STX4: variants seen among roughly 807,000 people sequenced by gnomAD.
The protein encoded by STX4 is syntaxin-4.
STX4 carries 24 observed loss-of-function variants against 41.8 expected under a neutral mutation model. That is an observed-to-expected ratio of 0.57 (90% confidence interval 0.42 to 0.81). The LOEUF (loss-of-function observed/expected upper bound fraction) is 0.81. Among genes scored for constraint, STX4 ranks in the 30% least tolerant of loss-of-function variants. STX4 has a pLI of 0.00. For synonymous variants in STX4, 158 were observed against 156.4 expected (o/e 1.01, Z -0.08); for missense variants, 316 against 389.9 (o/e 0.81, Z 1.60).
chr16:31,034,569 C>T (rs1177327177), intron 4 of STX4, 33 bp downstream of exon 4: 1 of 1,532,086 alleles, frequency 6.5e-7, no homozygotes. Context: ...AGATCCTTCC[C>T]TCTGATCCTG....
chr16:31,038,515 G>T lies in STX4; in HGVS notation c.570G>T (p.Leu190=). 6.2e-7 allele frequency: 1 copy of T among 1,614,130 alleles called. No individual in the cohort carries two copies. Among genetic ancestry groups the T allele is most frequent in the Non-Finnish European group, 8.5e-7 (1 of 1,180,020 alleles). ...GQSEVFVSNI[L]KDTQVTRQAL... is the part of the protein sequence containing the mutation. ...CACTCCTGTCCACCCCCCAGATCCT[G>T]AAGGACACGCAGGTGACTCGACAGG... Residue 190 remains leucine (L), a synonymous_variant, in exon 8 of 11, where the codon CTG becomes CTT. Transcript: ENST00000313843.
chr16:31,035,932 C>T (rs2056796192), intron 5 of STX4, among the ~76,000 whole-genome samples: 1 of 152,060 alleles, frequency 6.6e-6, no homozygotes, highest in African/African-American at 2.4e-5. Flanking sequence ...TGTGCACCAC[C>T]ACACCTGGCT....
At chr16:31,038,745 TC>T in intron 8 of STX4, 98 bp downstream of exon 8, 1 of 1,502,554 alleles carries the variant, frequency 6.7e-7, no homozygotes, top group Non-Finnish European at 9.0e-7. Context: ...TTTTGTGTCT[TC>T]CAGGTTTGGC....
intron 5 of STX4, 65 bp downstream of exon 5, chr16:31,035,105 G>A: frequency 2.9e-6 from 4 of 1,380,024 alleles, no homozygotes; most frequent in Non-Finnish European, 4.0e-6. Context: ...TAGATGACAG[G>A]TGTATGAAGG....
intron 5 of STX4, 69 bp from the exon 6 acceptor site, chr16:31,037,856 TG>T: frequency 6.6e-7 from 1 of 1,506,872 alleles, no homozygotes; most frequent in Non-Finnish European, 9.2e-7. Context: ...CACTGTACTA[TG>T]GGGTTGCCGA....
intron 8 of STX4, chr16:31,038,970 G>A (rs1055665592): frequency 1.6e-5 from 5 of 319,330 alleles, no homozygotes; most frequent in Non-Finnish European, 3.0e-5. Flanking sequence ...AGTTGCCCTA[G>A]AGGGGCTGCC....
chr16:31,034,107 T>C lies in STX4; in HGVS notation c.125T>C (p.Phe42Ser). 6.2e-7 allele frequency: 1 copy of C among 1,608,806 alleles called. No homozygotes were observed. The highest frequency in any genetic ancestry group is 8.5e-7 in the Non-Finnish European group (1 of 1,176,628). Residue 42 changes from phenylalanine (F) to serine (S), a missense_variant, in exon 2 of 11, where the codon TTC (phenylalanine) becomes TCC (serine). Coordinates refer to ENST00000313843, the MANE Select transcript of STX4 (RefSeq NM_004604.5). ...CTGGGGAGCCCGGACGAGGAGTTCT[T>C]CCACAAGGTAAGGGGCTGGGGTCTC... is the stretch of plus-strand genomic sequence containing the variant. ...ARLGSPDEEF[F>S]HKVRTIRQTI... is the part of the protein sequence containing the mutation.
In STX4 at chr16:31,039,597, ACGTGGG is replaced by A; in HGVS notation, c.761_766del (p.Arg254_Gly255del). The A allele has an allele frequency of 6.2e-7, 1 of 1,614,166 alleles. No homozygotes were observed. ...TCCTGAGCTCAGCGGACTACGTGGA[ACGTGGG>A]CAGGAGCACGTCAAGACGGCCCTGG... On this transcript the variant is annotated inframe_deletion, in exon 9 of 11. Transcript: ENST00000313843. This position sits in a 1 kb window ranked among gnomAD's most constrained non-coding sequence, Gnocchi z 4.1.
chr16:31,034,650 G>C, intron 4 of STX4, 114 bp downstream of exon 4: 1 of 1,220,908 alleles, frequency 8.2e-7, no homozygotes, highest in Admixed American at 3.0e-5. Flanking sequence ...CACACAGCAG[G>C]CCTGGGTCTA....
intron 2 of STX4, 41 bp downstream of exon 2, chr16:31,034,155 G>C: frequency 6.2e-7 from 1 of 1,611,852 alleles, no homozygotes; most frequent in Non-Finnish European, 8.5e-7. Flanking sequence ...CGAGGGTGTA[G>C]GAGGACCCGA....
chr16:31,039,867 C>A lies in STX4; in HGVS notation c.*16-45C>A. 1 of 1,566,660 alleles carries A rather than the reference C, an allele frequency of 6.4e-7. No individual in the cohort carries two copies. Among genetic ancestry groups the A allele is most frequent in the Non-Finnish European group, 8.8e-7 (1 of 1,138,188 alleles). On this transcript the variant is annotated intron_variant, in intron 10 of 10. Coordinates refer to ENST00000313843, the MANE Select transcript of STX4 (RefSeq NM_004604.5). This position sits in a 1 kb window ranked among gnomAD's most constrained non-coding sequence, Gnocchi z 4.1. ...TGGCCTGCCCCAGCCCTGGCCCCAG[C>A]CCTCCCTCCTCCCTCAGACCCTGTT...
rs1333915016 is a variant in STX4 at position 31,038,097 on chromosome 16, G to A, written c.488-17G>A. On this transcript the variant is annotated splice_polypyrimidine_tract_variant and intron_variant, in intron 6 of 10. Transcript: ENST00000313843. ...GTAATCCCAACCCAACCCTGAGCCT[G>A]GCCTTTTCCTTCACAGCCAATGCTG... 3 of 1,614,044 alleles carry A rather than the reference G, an allele frequency of 1.9e-6. No homozygotes were observed. The African/African-American group carries it at 4.0e-5, about 22-fold the overall frequency.
intron 4 of STX4, 108 bp from the exon 5 acceptor site, chr16:31,034,862 T>G (rs1477807849): frequency 9.5e-7 from 1 of 1,057,798 alleles, no homozygotes. Context: ...AAAAATAAAC[T>G]TACTTTCTCC....
At chr16:31,036,575 C>G (rs2056800841) in intron 5 of STX4, among the ~76,000 whole-genome samples, 1 of 152,126 alleles carries the variant, frequency 6.6e-6, no homozygotes, top group African/African-American at 2.4e-5. Flanking sequence ...AACCAGTGAT[C>G]CCTGTCCTCA....
In STX4 at chr16:31,034,452, T is replaced by C. The variant is rs1163661529; in HGVS notation, c.233-10T>C. The C allele has an allele frequency of 5.0e-6, 8 of 1,600,280 alleles. No homozygotes were observed. The East Asian group carries it at 1.6e-4, about 31-fold the overall frequency. Reference sequence around the variant, plus strand: ...CTGCTGTTTGGGAGTCTTGGCCTTCTCTTATTCAGGCATGAAGCAGGAGCT... The same window carrying C: ...CTGCTGTTTGGGAGTCTTGGCCTTCCCTTATTCAGGCATGAAGCAGGAGCT... On this transcript the variant is annotated splice_polypyrimidine_tract_variant and intron_variant, in intron 3 of 10. Coordinates refer to ENST00000313843, the MANE Select transcript of STX4 (RefSeq NM_004604.5).
chr16:31,038,654 GCCCCGCGCAGC>G lies in STX4; in HGVS notation c.702+11_702+21del. On this transcript the variant is annotated splice_region_variant and intron_variant, in intron 8 of 10. Transcript: ENST00000313843. ...TACCGAAGTGGAGATGCAGGTGGGT[GCCCCGCGCAGC>G]CCCAGACGTGAGACCAGGCTCAGTC... 3 of 1,613,502 alleles carry G rather than the reference GCCCCGCGCAGC, an allele frequency of 1.9e-6. No homozygotes were observed. Among genetic ancestry groups the G allele is most frequent in the Non-Finnish European group, 1.7e-6 (2 of 1,179,822 alleles).
chr16:31,038,139 G>A lies in STX4; in HGVS notation c.513G>A (p.Glu171=), dbSNP rs764262539. The A allele has an allele frequency of 5.6e-6, 9 of 1,614,062 alleles. No homozygotes were observed. Among genetic ancestry groups the A allele is most frequent in the South Asian group, 1.1e-5 (1 of 91,092 alleles). Residue 171 remains glutamate (E), a synonymous_variant, in exon 7 of 11, where the codon GAG becomes GAA. Transcript: ENST00000313843. The part of the protein sequence containing the change: ...KITNAGMVSD[E]ELEQMLDSGQ... Reference sequence around the variant, plus strand: ...CCAATGCTGGGATGGTGTCTGATGAGGAGTTGGAGCAGATGCTGGACAGTG... The same window carrying A: ...CCAATGCTGGGATGGTGTCTGATGAAGAGTTGGAGCAGATGCTGGACAGTG...
At chr16:31,038,673 G>T (rs199544076) in intron 8 of STX4, 26 bp downstream of exon 8, 2 of 1,611,866 alleles carry the variant, frequency 1.2e-6, no homozygotes, top group Non-Finnish European at 8.5e-7. Context: ...AGCCCCAGAC[G>T]TGAGACCAGG....
Position 31,038,554 on chromosome 16 carries a change from C to T in STX4, c.609C>T (p.Ile203=). The part of the protein sequence containing the change: ...TQVTRQALNE[I]SARHSEIQQL... ...TGACTCGACAGGCCTTAAATGAGAT[C>T]TCGGCCCGGCACAGTGAGATCCAGC... Residue 203 remains isoleucine, a synonymous_variant, in exon 8 of 11, where the codon ATC becomes ATT. Transcript: ENST00000313843. The T allele has an allele frequency of 6.2e-7, 1 of 1,614,140 alleles. No homozygotes were observed. Among genetic ancestry groups the T allele is most frequent in the Non-Finnish European group, 8.5e-7 (1 of 1,180,030 alleles).
Sources: allele counts gnomAD v4.1 joint callset (sites outside exome capture counted in the v4.1 genomes callset), GRCh38; gene constraint gnomAD v4.1.1; non-coding constraint Gnocchi (gnomAD v3.1); transcripts MANE v1.5; gene names NCBI Gene and HGNC (gene_info 2026-07-23, HGNC 2026-07-21).